DGKH: variants seen among roughly 807,000 people sequenced by gnomAD.
The protein encoded by DGKH is diacylglycerol kinase eta.
Under a neutral mutation model 159.3 loss-of-function variants are expected in DGKH, and 90 were observed. The ratio of observed to expected loss-of-function variants is 0.57; its 90% confidence interval spans 0.48 to 0.67. DGKH has a LOEUF of 0.67. Ranked by LOEUF, DGKH falls within the 30% of genes least tolerant of loss-of-function variation. The pLI is 0.00. For synonymous variants in DGKH, 536 were observed against 553.8 expected, an observed-to-expected ratio of 0.97 and a Z score of 0.45; for missense variants, 1,181 against 1,506.1, an observed-to-expected ratio of 0.78 and a Z score of 3.57.
At chr13:42,215,703 G>C (rs1251159117) in intron 26 of DGKH, 36 bp downstream of exon 26, 1 of 1,554,420 alleles carries the variant, frequency 6.4e-7, no homozygotes, top group Admixed American at 1.7e-5. Context: ...TAAGAATGAT[G>C]AATTAAATGT....
intron 24 of DGKH, among the ~76,000 whole-genome samples, chr13:42,212,483 C>T (rs1957679577): frequency 6.6e-6 from 1 of 152,216 alleles, no homozygotes; most frequent in Admixed American, 6.5e-5. Context: ...TCTGTGGCCT[C>T]TAATTTACAG....
chr13:42,156,062 G>A (rs1956036278), intron 5 of DGKH, among the ~76,000 whole-genome samples: 1 of 151,824 alleles, frequency 6.6e-6, no homozygotes, highest in South Asian at 2.1e-4. Flanking sequence ...CTTTATTCTG[G>A]TTGATTATGG....
intron 1 of DGKH, among the ~76,000 whole-genome samples, chr13:42,089,198 A>G (rs1954367705): frequency 6.6e-6 from 1 of 152,208 alleles, no homozygotes; most frequent in Admixed American, 6.5e-5. Flanking sequence ...TCAATAACTG[A>G]TAGAACAAGT....
intron 1 of DGKH, among the ~76,000 whole-genome samples, chr13:42,089,227 A>G (rs1233873968): frequency 2.0e-5 from 3 of 152,208 alleles, no homozygotes; most frequent in Non-Finnish European, 2.9e-5. Flanking sequence ...ATCAGTAAGG[A>G]TATTGACTGG....
chr13:42,117,165 C>T (rs902995450), intron 1 of DGKH, among the ~76,000 whole-genome samples: 1 of 152,162 alleles, frequency 6.6e-6, no homozygotes, highest in African/African-American at 2.4e-5. Flanking sequence ...CTAAAACATA[C>T]TTGCTTTTAA....
chr13:42,186,379 T>G (rs1024323508), intron 13 of DGKH, among the ~76,000 whole-genome samples: 2 of 152,204 alleles, frequency 1.3e-5, no homozygotes, highest in Admixed American at 1.3e-4. Flanking sequence ...TTTCAAGTTA[T>G]TTTGTCTTTT....
At chr13:42,142,480 C>T (rs1446884380) in intron 3 of DGKH, among the ~76,000 whole-genome samples, 1 of 151,192 alleles carries the variant, frequency 6.6e-6, no homozygotes, top group East Asian at 1.9e-4. Flanking sequence ...TATAAATTAC[C>T]TTGGGCAGTA....
At chr13:42,248,421 G>A (rs955742791) in intron 29 of DGKH, among the ~76,000 whole-genome samples, 17 of 145,100 alleles carry the variant, frequency 1.2e-4, no homozygotes, top group East Asian at 3.9e-4. Context: ...GCGAGACACC[G>A]TCTCAAAAAA....
intron 3 of DGKH, among the ~76,000 whole-genome samples, chr13:42,151,062 G>A (rs774480728): frequency 2.6e-5 from 4 of 151,962 alleles, no homozygotes; most frequent in African/African-American, 7.3e-5. Flanking sequence ...GCAAAGACAT[G>A]GATTCTCCTC....
chr13:42,092,747 C>T (rs1393070012), intron 1 of DGKH, among the ~76,000 whole-genome samples: 1 of 152,042 alleles, frequency 6.6e-6, no homozygotes, highest in African/African-American at 2.4e-5. Flanking sequence ...AAAAAATAAT[C>T]GTAATGTTAC....
chr13:42,215,516 A>T, intron 25 of DGKH, 59 bp from the exon 26 acceptor site: 1 of 1,260,290 alleles, frequency 7.9e-7, no homozygotes, highest in Non-Finnish European at 1.1e-6. Flanking sequence ...TAAAGTGTTT[A>T]TGGTAATGAA....
At chr13:42,051,155 C>CATTTATTATTTATT (rs1433338976) in intron 1 of DGKH, among the ~76,000 whole-genome samples, 6 of 152,160 alleles carry the variant, frequency 3.9e-5, no homozygotes, top group Admixed American at 2.0e-4. Context: ...CTAATAAAAA[C>CATTTATTATTTATT]ATTTAGCACA....
intron 1 of DGKH, among the ~76,000 whole-genome samples, chr13:42,049,171 C>T (rs1039360032): frequency 1.7e-4 from 2 of 11,686 alleles, no homozygotes; most frequent in Admixed American, 1.1e-3. Flanking sequence ...GGGCCTGGGG[C>T]GCGGGCGGGG....
At chr13:42,166,455 T>G in intron 8 of DGKH, 60 bp from the exon 9 acceptor site, 1 of 1,331,896 alleles carries the variant, frequency 7.5e-7, no homozygotes, top group Non-Finnish European at 9.8e-7. Context: ...TCTGAATGTT[T>G]GCTAATAATT....
At chr13:42,139,451 C>T (rs2137878531) in intron 3 of DGKH, among the ~76,000 whole-genome samples, 1 of 152,318 alleles carries the variant, frequency 6.6e-6, no homozygotes, top group Middle Eastern at 3.4e-3. Context: ...GGGCACTTGT[C>T]ATCCAAAGAG....
In DGKH at chr13:42,048,827, C is replaced by T. The variant is rs548444364; in HGVS notation, c.54C>T (p.Ala18=). 3.9e-5 allele frequency: 52 copies of T among 1,337,566 alleles called. No individual in the cohort carries two copies. The African/African-American group carries it at 7.3e-4, about 19-fold the overall frequency. 82.9% of individuals were successfully genotyped at this position (1,337,566 alleles called of 1,614,324 possible). The change falls in exon 1 of 30, where the codon GCC becomes GCT. Residue 18 remains alanine (A), a synonymous_variant. Coordinates refer to ENST00000337343, the MANE Select transcript of DGKH (RefSeq NM_178009.5). The surrounding 1 kb of genome is among the most constrained non-coding windows in gnomAD (Gnocchi z 6.7). ...CTCCGGGCGCCGCTGGAGGAGCGGCCGCCGGAGCCGGCGCCGCGGTCACCT... is the reference window on the plus strand; with the variant it reads ...CTCCGGGCGCCGCTGGAGGAGCGGCTGCCGGAGCCGGCGCCGCGGTCACCT... ...HHPPGAAGGA[A]AGAGAAVTSA...
chr13:42,213,984 C>T (rs1401490016), intron 24 of DGKH, among the ~76,000 whole-genome samples: 3 of 152,130 alleles, frequency 2.0e-5, no homozygotes, highest in Non-Finnish European at 4.4e-5. Context: ...GTATGCCTAC[C>T]ACGTCTCTCT....
chr13:42,151,613 A>ACC (rs140696226), intron 3 of DGKH, among the ~76,000 whole-genome samples: 40,005 of 111,410 alleles, frequency 0.36, 6,980 homozygotes, highest in East Asian at 0.43. Context: ...ACACACACAC[A>ACC]CCCCATGGAA....
At chr13:42,097,448 T>C (rs988555078) in intron 1 of DGKH, among the ~76,000 whole-genome samples, 3 of 152,200 alleles carry the variant, frequency 2.0e-5, no homozygotes, top group Non-Finnish European at 4.4e-5. Context: ...TTAATCAAAC[T>C]AGTCATTTTG....
Sources: allele counts gnomAD v4.1 joint callset (sites outside exome capture counted in the v4.1 genomes callset), GRCh38; gene constraint gnomAD v4.1.1; non-coding constraint Gnocchi (gnomAD v3.1); transcripts MANE v1.5; gene names NCBI Gene and HGNC (gene_info 2026-07-23, HGNC 2026-07-21).